The following C12orf54 variants were observed in gnomAD, a reference collection of about 807,000 sequenced individuals.
C12orf54 encodes the protein chromosome 12 open reading frame 54, also known as uncharacterized protein C12orf54.
Under a neutral mutation model 26.4 loss-of-function variants are expected in C12orf54, and 24 were observed. That is an observed-to-expected ratio of 0.91 (90% CI 0.66 to 1.28). The LOEUF (loss-of-function observed/expected upper bound fraction) is 1.28. Ranked by LOEUF, C12orf54 falls within the 50% of genes most tolerant of loss-of-function variation. The probability of loss-of-function intolerance (pLI) is 0.00; values close to 1 mark genes in which losing one functional copy is unlikely to be tolerated. For synonymous variants in C12orf54, 54 were observed against 47.0 expected, an observed-to-expected ratio of 1.15 and a Z score of -0.61; for missense variants, 154 against 150.9, an observed-to-expected ratio of 1.02 and a Z score of -0.11.
the C12orf54 span, among the ~76,000 whole-genome samples, chr12:48,439,706 A>T: frequency 2.0e-5 from 3 of 152,084 alleles, no homozygotes; most frequent in African/African-American, 7.2e-5. Context: ...ATGAGAACAC[A>T]TGGACACAGG....
At chr12:48,450,438 A>G in the C12orf54 span, among the ~76,000 whole-genome samples, 2 of 152,198 alleles carry the variant, frequency 1.3e-5, no homozygotes, top group Non-Finnish European at 2.9e-5. Flanking sequence ...GAGAGCCAAG[A>G]GCAAACCAAC....
chr12:48,424,717 A>G, the C12orf54 span, among the ~76,000 whole-genome samples: 2 of 152,196 alleles, frequency 1.3e-5, no homozygotes, highest in Non-Finnish European at 2.9e-5. Flanking sequence ...TTACCAAGAT[A>G]GATGATCACA....
intron 7 of C12orf54, among the ~76,000 whole-genome samples, chr12:48,494,084 T>TA (rs1937856551): frequency 9.3e-6 from 1 of 107,612 alleles, no homozygotes. Flanking sequence ...CTGGGCGTGG[T>TA]GGCAGGTGCC....
chr12:48,489,808 G>A (rs538853388), intron 5 of C12orf54, among the ~76,000 whole-genome samples: 77 of 150,436 alleles, frequency 5.1e-4, no homozygotes, highest in Non-Finnish European at 8.4e-4. Context: ...CACAACCTCC[G>A]CCTCCCGAGT....
chr12:48,422,922 G>A, the C12orf54 span, among the ~76,000 whole-genome samples: 1 of 152,092 alleles, frequency 6.6e-6, no homozygotes, highest in Non-Finnish European at 1.5e-5. Context: ...ATTTTATCAG[G>A]TATTAGAACA....
At chr12:48,454,645 CA>C in the C12orf54 span, among the ~76,000 whole-genome samples, 1 of 152,106 alleles carries the variant, frequency 6.6e-6, no homozygotes, top group Admixed American at 6.6e-5. Flanking sequence ...AGTTATGCAG[CA>C]TAAAATAAGT....
chr12:48,486,121 AGG>A (rs1565570932), intron 2 of C12orf54, 55 bp from the exon 3 acceptor site: 6 of 1,497,784 alleles, frequency 4.0e-6, no homozygotes, highest in Non-Finnish European at 4.7e-6. Context: ...AGTTAGGAGA[AGG>A]CTTTAGCCCA....
the C12orf54 span, among the ~76,000 whole-genome samples, chr12:48,458,618 G>A: frequency 2.6e-5 from 4 of 152,226 alleles, no homozygotes; most frequent in Admixed American, 2.0e-4. Flanking sequence ...TAGTGCTCAA[G>A]ACATGGGTGT....
chr12:48,471,004 C>T, the C12orf54 span, among the ~76,000 whole-genome samples: 1 of 151,978 alleles, frequency 6.6e-6, no homozygotes, highest in Non-Finnish European at 1.5e-5. Flanking sequence ...TTTAAATGTA[C>T]AATTAAGTTA....
chr12:48,435,900 A>AAAT, the C12orf54 span, among the ~76,000 whole-genome samples: 2 of 152,166 alleles, frequency 1.3e-5, no homozygotes, highest in Admixed American at 6.5e-5. Flanking sequence ...TCAAATTCAC[A>AAAT]AATAATAATA....
chr12:48,488,262 A>C, intron 4 of C12orf54: 1 of 623,264 alleles, frequency 1.6e-6, no homozygotes, highest in Admixed American at 2.1e-5. Context: ...GCCTCGGCCT[A>C]AAGGTCTGGA....
chr12:48,473,374 G>A, the C12orf54 span: 27 of 1,032,870 alleles, frequency 2.6e-5, 1 homozygote, highest in South Asian at 2.7e-4. Context: ...GGTCAGAAGC[G>A]AAAATAAGAA....
chr12:48,453,940 T>C, the C12orf54 span, among the ~76,000 whole-genome samples: 2 of 152,128 alleles, frequency 1.3e-5, no homozygotes, highest in African/African-American at 2.4e-5. Flanking sequence ...CTTCTTTTGA[T>C]TTAGATTCAT....
At chr12:48,457,685 G>A in the C12orf54 span, among the ~76,000 whole-genome samples, 1 of 152,142 alleles carries the variant, frequency 6.6e-6, no homozygotes, top group Non-Finnish European at 1.5e-5. Context: ...ATGGGATGGG[G>A]AAGTCAGCTT....
At chr12:48,495,039 A>T (rs1471579382) in intron 8 of C12orf54, 60 bp downstream of exon 8, 1 of 1,328,740 alleles carries the variant, frequency 7.5e-7, no homozygotes, top group Non-Finnish European at 1.0e-6. Flanking sequence ...GGTAGTCAGG[A>T]ACCCAGGCCT....
the C12orf54 span, among the ~76,000 whole-genome samples, chr12:48,421,514 T>TG: frequency 1.3e-5 from 1 of 79,210 alleles, no homozygotes; most frequent in African/African-American, 5.4e-5. Context: ...ATCATGTGCT[T>TG]TTTTTTTTTT....
At chr12:48,486,822 G>A (rs897822764) in intron 4 of C12orf54, 96 bp downstream of exon 4, 86 of 1,301,754 alleles carry the variant, frequency 6.6e-5, no homozygotes, top group East Asian at 9.6e-5. Context: ...TTCCTTGAGC[G>A]GTTTGTTGAT....
At chr12:48,444,642 G>A in the C12orf54 span, among the ~76,000 whole-genome samples, 16 of 151,960 alleles carry the variant, frequency 1.1e-4, no homozygotes, top group African/African-American at 3.1e-4. Flanking sequence ...TTTTTAACCC[G>A]CTGCTGCAAT....
At position 48,483,369 on chromosome 12, in the gene C12orf54, G is replaced by A; in HGVS notation, c.65+8G>A. The A allele has an allele frequency of 6.2e-7, 1 of 1,612,938 alleles. No individual in the cohort carries two copies. The highest frequency in any genetic ancestry group is 8.5e-7 in the Non-Finnish European group (1 of 1,179,134). ...CTCCAAGCAGCAGAGAAGGTAATGG[G>A]GCTAATGATGACCCTCAAACATCCT... On this transcript the variant is annotated splice_region_variant and intron_variant, in intron 2 of 8. Coordinates refer to ENST00000548364, the MANE Select transcript of C12orf54 (RefSeq NM_152319.4).
Sources: gnomAD v4.1 joint callset for allele counts (sites outside exome capture counted in the v4.1 genomes callset) on GRCh38, gnomAD v4.1.1 for gene constraint, MANE v1.5 for transcripts, NCBI Gene and HGNC (gene_info 2026-07-23, HGNC 2026-07-21) for gene names.